The following EBF1 variants were observed in gnomAD, a reference collection of about 807,000 sequenced individuals.
The protein encoded by EBF1 is EBF transcription factor 1.
In EBF1, 10 loss-of-function variants were observed where a neutral mutation model predicts 68.4. The observed-to-expected ratio is 0.15, with a 90% CI of 0.09 to 0.25. EBF1 has a LOEUF of 0.25. Ranked by LOEUF, EBF1 falls within the 10% of genes least tolerant of loss-of-function variation. EBF1 has a pLI of 1.00. For missense variants in EBF1, 509 were observed against 794.4 expected (o/e 0.64, Z 4.32); for synonymous variants, 298 against 299.8 (o/e 0.99, Z 0.06).
chr5:158,755,996 C>G (rs746997169), intron 10 of EBF1, among the ~76,000 whole-genome samples: 20 of 152,082 alleles, frequency 1.3e-4, no homozygotes, highest in Non-Finnish European at 2.8e-4. Flanking sequence ...TCTTAAATTT[C>G]CTAACTTGGC....
intron 11 of EBF1, among the ~76,000 whole-genome samples, chr5:158,727,187 C>A (rs566731209): frequency 2.6e-5 from 4 of 152,332 alleles, no homozygotes; most frequent in South Asian, 4.1e-4. Context: ...GTGCTGGGCT[C>A]ACAGTAGGCA....
intron 6 of EBF1, among the ~76,000 whole-genome samples, chr5:158,851,354 A>G: frequency 7.9e-6 from 1 of 127,304 alleles, no homozygotes; most frequent in South Asian, 3.6e-4. Flanking sequence ...GACGCTGTCA[A>G]GAAAGGGAAG....
In EBF1 at chr5:158,855,743, G is replaced by C. The variant is rs564579298; in HGVS notation, c.555-15633C>G. On this transcript the variant is annotated intron_variant, in intron 6 of 15. Transcript: ENST00000313708. ...ACGCCTGATGAATTCTCAACTTTCTGAATTTTCTAACTCATAACAGTGACT... is the reference window on the plus strand; with the variant it reads ...ACGCCTGATGAATTCTCAACTTTCTCAATTTTCTAACTCATAACAGTGACT... 2.7e-3 allele frequency among the ~76,000 whole-genome samples: 416 copies of C among 152,332 alleles called. 1 individual carries two copies. The highest frequency in any genetic ancestry group is 9.7e-3 in the African/African-American group (404 of 41,564).
chr5:158,930,487 G>GT (rs1298591919), intron 6 of EBF1, among the ~76,000 whole-genome samples: 3 of 152,154 alleles, frequency 2.0e-5, no homozygotes, highest in African/African-American at 7.2e-5. Context: ...TGCCCTGGAG[G>GT]TAAAGCTATG....
chr5:158,923,111 C>T (rs189673377), intron 6 of EBF1, among the ~76,000 whole-genome samples: 4 of 152,212 alleles, frequency 2.6e-5, no homozygotes, highest in Admixed American at 2.6e-4. Context: ...CCAGGAAGAG[C>T]GTTAGCCTCT....
chr5:158,992,566 G>A (rs897854824), intron 6 of EBF1, among the ~76,000 whole-genome samples: 1 of 152,066 alleles, frequency 6.6e-6, no homozygotes, highest in African/African-American at 2.4e-5. Flanking sequence ...CAGGAAAAGG[G>A]GCATTGTCAA....
intron 6 of EBF1, among the ~76,000 whole-genome samples, chr5:159,004,305 G>A (rs1310749900): frequency 6.6e-6 from 1 of 150,692 alleles, no homozygotes; most frequent in Non-Finnish European, 1.5e-5. Flanking sequence ...CTGCTTCTCA[G>A]TGATATCAAA....
At chr5:158,991,563 A>G (rs559184829) in intron 6 of EBF1, among the ~76,000 whole-genome samples, 1 of 152,380 alleles carries the variant, frequency 6.6e-6, no homozygotes, top group Admixed American at 6.5e-5. Context: ...CACTGTCAAG[A>G]AAATATATCA....
At chr5:158,805,394 G>A (rs1781393396) in intron 8 of EBF1, among the ~76,000 whole-genome samples, 1 of 152,098 alleles carries the variant, frequency 6.6e-6, no homozygotes, top group Non-Finnish European at 1.5e-5. Flanking sequence ...CGGCCTGATA[G>A]GATTAAACCT....
chr5:158,834,342 T>C (rs902957482), intron 7 of EBF1, among the ~76,000 whole-genome samples: 2 of 152,206 alleles, frequency 1.3e-5, no homozygotes, highest in African/African-American at 4.8e-5. Context: ...AATTTCTCCC[T>C]GTGTCGTGAG....
At chr5:159,095,563 G>C in intron 4 of EBF1, 57 bp downstream of exon 4, 1 of 1,600,052 alleles carries the variant, frequency 6.2e-7, no homozygotes, top group Admixed American at 1.7e-5. Flanking sequence ...CTAGCTTCTT[G>C]ACTGCCCTGA....
At chr5:158,906,359 G>A (rs115947223) in intron 6 of EBF1, among the ~76,000 whole-genome samples, 2,458 of 148,430 alleles carry the variant, frequency 0.017, 23 homozygotes, top group Middle Eastern at 0.025. Flanking sequence ...GAGACATTTC[G>A]GAACCAATCA....
In EBF1 at chr5:158,957,978, G is replaced by T. The variant is rs1274082624; in HGVS notation, c.554+115418C>A. On this transcript the variant is annotated intron_variant, in intron 6 of 15. Coordinates refer to ENST00000313708, the MANE Select transcript of EBF1 (RefSeq NM_024007.5). ...GGGAAAAAGGAAAAAATAATAATAA[G>T]AAAACGTAAAGAAAAAGAAAACCTG... 5.9e-5 allele frequency among the ~76,000 whole-genome samples: 9 copies of T among 152,006 alleles called. No individual in the cohort carries two copies. In the East Asian group the frequency reaches 1.7e-3, roughly 29 times the overall value.
chr5:158,910,988 G>A (rs932325154), intron 6 of EBF1, among the ~76,000 whole-genome samples: 2 of 152,144 alleles, frequency 1.3e-5, no homozygotes, highest in Non-Finnish European at 2.9e-5. Flanking sequence ...AAAGCAGTGT[G>A]TGTATGCCTT....
intron 9 of EBF1, among the ~76,000 whole-genome samples, chr5:158,779,020 G>A (rs1254686029): frequency 6.6e-6 from 1 of 151,878 alleles, no homozygotes; most frequent in Admixed American, 6.6e-5. Context: ...TCAGGAAATC[G>A]AGTTTAATAA....
chr5:159,022,827 G>GA (rs1452429894), intron 6 of EBF1, among the ~76,000 whole-genome samples: 7 of 150,266 alleles, frequency 4.7e-5, no homozygotes, highest in African/African-American at 7.4e-5. Flanking sequence ...GGACAGAGAG[G>GA]AAAAAAAAGA....
At chr5:158,762,011 G>A (rs1052076543) in intron 10 of EBF1, among the ~76,000 whole-genome samples, 3 of 152,132 alleles carry the variant, frequency 2.0e-5, no homozygotes, top group Non-Finnish European at 4.4e-5. Context: ...AGAATAAAAT[G>A]GGGAGTACTT....
Position 158,801,087 on chromosome 5 carries a change from C to T in EBF1, c.779-4612G>A, listed in dbSNP as rs189224491. On this transcript the variant is annotated intron_variant, in intron 8 of 15. Coordinates refer to ENST00000313708, the MANE Select transcript of EBF1 (RefSeq NM_024007.5). Reference sequence around the variant, plus strand: ...TGCCTCTTTTTTTAAATCCCTTCCCCCACCCCTCACCAGCCACGAAAGTAG... The same window carrying T: ...TGCCTCTTTTTTTAAATCCCTTCCCTCACCCCTCACCAGCCACGAAAGTAG... 1.7e-4 allele frequency among the ~76,000 whole-genome samples: 26 copies of T among 152,118 alleles called. 1 individual carries two copies. The East Asian group carries it at 5.0e-3, about 29-fold the overall frequency.
intron 1 of EBF1, chr5:159,097,679 A>T (rs1782895284): frequency 4.3e-6 from 1 of 234,022 alleles, no homozygotes; most frequent in Non-Finnish European, 8.4e-6. Flanking sequence ...ACCAAAAAGC[A>T]TGTGGAGAAG....
Sources: gnomAD v4.1 joint callset for allele counts (sites outside exome capture counted in the v4.1 genomes callset) on GRCh38, gnomAD v4.1.1 for gene constraint, MANE v1.5 for transcripts, NCBI Gene and HGNC (gene_info 2026-07-23, HGNC 2026-07-21) for gene names.